Variants in WWOX observed in about 807,000 individuals in gnomAD.
WWOX encodes the protein WW domain containing oxidoreductase, also known as WW domain-containing oxidoreductase.
In WWOX, 69 loss-of-function variants were observed where a neutral mutation model predicts 46.2. That is an observed-to-expected ratio of 1.49 (90% CI 1.23 to 1.82). The LOEUF is 1.82. Among genes scored for constraint, WWOX ranks in the 40% most tolerant of loss-of-function variants. WWOX has a pLI of 0.00. For missense variants in WWOX, 919 were observed against 542.6 expected, an observed-to-expected ratio of 1.69 and a Z score of -6.89; for synonymous variants, 359 against 202.6, an observed-to-expected ratio of 1.77 and a Z score of -6.56.
intron 6 of WWOX, among the ~76,000 whole-genome samples, chr16:78,424,412 G>T (rs940873535): frequency 6.6e-6 from 1 of 152,130 alleles, no homozygotes; most frequent in Non-Finnish European, 1.5e-5. Context: ...GAGCCCCCGC[G>T]CCTGGCCCTG....
intron 7 of WWOX, among the ~76,000 whole-genome samples, chr16:78,432,264 C>A (rs559731709): frequency 1.1e-4 from 16 of 152,090 alleles, no homozygotes; most frequent in Non-Finnish European, 2.1e-4. Context: ...TGCCACCACA[C>A]CTGGCTAATT....
At chr16:78,361,614 T>C (rs1054814843) in intron 5 of WWOX, among the ~76,000 whole-genome samples, 1 of 152,094 alleles carries the variant, frequency 6.6e-6, no homozygotes, top group African/African-American at 2.4e-5. Flanking sequence ...TTCTTTCTTT[T>C]CTTTTCTTTT....
At chr16:78,786,348 A>G (rs2050455860) in intron 8 of WWOX, among the ~76,000 whole-genome samples, 1 of 152,200 alleles carries the variant, frequency 6.6e-6, no homozygotes, top group South Asian at 2.1e-4. Flanking sequence ...TAAATATGAG[A>G]TCACTGAAAG....
chr16:78,625,234 G>T (rs1436103477), intron 8 of WWOX, among the ~76,000 whole-genome samples: 4 of 152,116 alleles, frequency 2.6e-5, no homozygotes, highest in Admixed American at 6.5e-5. Flanking sequence ...GGTCACCGGG[G>T]TCGCTGCCCC....
At chr16:78,321,422 A>ACG (rs2080479611) in intron 5 of WWOX, among the ~76,000 whole-genome samples, 1 of 141,244 alleles carries the variant, frequency 7.1e-6, no homozygotes, top group African/African-American at 2.6e-5. Context: ...ATATGTGTGT[A>ACG]TATATATATA....
At chr16:78,576,209 G>C (rs2044875496) in intron 8 of WWOX, among the ~76,000 whole-genome samples, 1 of 152,036 alleles carries the variant, frequency 6.6e-6, no homozygotes, top group Non-Finnish European at 1.5e-5. Context: ...ATAATCTTGA[G>C]GTATCTTTTA....
intron 8 of WWOX, among the ~76,000 whole-genome samples, chr16:78,977,959 A>G (rs760414953): frequency 1.6e-5 from 2 of 125,610 alleles, no homozygotes; most frequent in African/African-American, 2.7e-5. Context: ...TACATTCACA[A>G]TGGTGTGTAA....
intron 8 of WWOX, among the ~76,000 whole-genome samples, chr16:78,593,144 C>G (rs914214083): frequency 1.5e-4 from 23 of 152,140 alleles, no homozygotes; most frequent in African/African-American, 5.6e-4. Flanking sequence ...TGTCATTGCC[C>G]TCCCCACCCT....
intron 8 of WWOX, among the ~76,000 whole-genome samples, chr16:79,043,499 C>G (rs898944303): frequency 1.3e-5 from 2 of 152,112 alleles, no homozygotes; most frequent in African/African-American, 4.8e-5. Flanking sequence ...AGTGGGAAGT[C>G]CAGGGGTAGA....
chr16:78,948,876 C>A (rs2046001571), intron 8 of WWOX, among the ~76,000 whole-genome samples: 1 of 152,054 alleles, frequency 6.6e-6, no homozygotes, highest in Admixed American at 6.6e-5. Flanking sequence ...CACAGGAGCC[C>A]TTCAAAGCAG....
intron 8 of WWOX, among the ~76,000 whole-genome samples, chr16:78,656,189 G>T (rs1486361597): frequency 1.3e-5 from 2 of 151,910 alleles, no homozygotes; most frequent in South Asian, 2.1e-4. Context: ...TGGGTGGGTG[G>T]GTGTGTGTGA....
chr16:78,476,844 C>T (rs967998128), intron 8 of WWOX, among the ~76,000 whole-genome samples: 11 of 152,014 alleles, frequency 7.2e-5, no homozygotes, highest in Non-Finnish European at 1.3e-4. Flanking sequence ...TTGTTTTGTT[C>T]GTTTTTCTTT....
Position 78,515,503 on chromosome 16 carries a change from G to A in WWOX, c.1056+82751G>A, listed in dbSNP as rs576271134. Among the ~76,000 whole-genome samples the A allele has an allele frequency of 3.9e-5, 6 of 152,186 alleles. No individual in the cohort carries two copies. The East Asian group carries it at 5.8e-4, about 15-fold the overall frequency. ...TGCTTGGTGTACTGGTCATTTCCCC[G>A]GAAGTGTGCAAGAAGAGGTAGGTGA... On this transcript the variant is annotated intron_variant, in intron 8 of 8. Transcript: ENST00000566780.
chr16:78,216,224 A>T (rs141539873), intron 5 of WWOX, among the ~76,000 whole-genome samples: 1,578 of 152,358 alleles, frequency 0.01, 12 homozygotes, highest in Middle Eastern at 0.031. Flanking sequence ...AGTAATAATG[A>T]TAATAGATAC....
chr16:78,665,318 C>A (rs1057091913), intron 8 of WWOX, among the ~76,000 whole-genome samples: 1 of 152,100 alleles, frequency 6.6e-6, no homozygotes, highest in East Asian at 1.9e-4. Flanking sequence ...CACTGCCTTA[C>A]CCATTGTGGA....
chr16:79,016,833 T>A (rs2047423462), intron 8 of WWOX: 1 of 152,262 alleles, frequency 6.6e-6, no homozygotes, highest in African/African-American at 2.4e-5. Flanking sequence ...TAAAGAAGAC[T>A]GACGTCGTGT....
intron 8 of WWOX, among the ~76,000 whole-genome samples, chr16:79,186,018 A>G (rs770309554): frequency 8.5e-5 from 13 of 152,066 alleles, no homozygotes; most frequent in Non-Finnish European, 1.5e-4. Context: ...GAGAAGGTAC[A>G]TTCAGAGAAT....
chr16:78,602,396 C>T (rs2045642521), intron 8 of WWOX, among the ~76,000 whole-genome samples: 1 of 152,132 alleles, frequency 6.6e-6, no homozygotes, highest in South Asian at 2.1e-4. Context: ...CCACTCCTGG[C>T]TAATTTTTTA....
chr16:79,142,610 C>G (rs1014128591), intron 8 of WWOX, among the ~76,000 whole-genome samples: 1 of 152,162 alleles, frequency 6.6e-6, no homozygotes, highest in African/African-American at 2.4e-5. Context: ...TCACAGAGTC[C>G]ATTTATTTCT....
Sources: gnomAD v4.1 joint callset for allele counts (sites outside exome capture counted in the v4.1 genomes callset) on GRCh38, gnomAD v4.1.1 for gene constraint, MANE v1.5 for transcripts, NCBI Gene and HGNC (gene_info 2026-07-23, HGNC 2026-07-21) for gene names.